NTSR1: variants seen among roughly 807,000 people sequenced by gnomAD.
NTSR1 encodes neurotensin receptor 1, also known as neurotensin receptor type 1.
In NTSR1, 29 loss-of-function variants were observed where a neutral mutation model predicts 31.2. The ratio of observed to expected loss-of-function variants is 0.93; its 90% CI spans 0.69 to 1.27. The LOEUF is 1.27. Among genes scored for constraint, NTSR1 ranks in the 50% most tolerant of loss-of-function variants. NTSR1 has a pLI of 0.00. For synonymous variants in NTSR1, 282 were observed against 269.9 expected, an observed-to-expected ratio of 1.04 and a Z score of -0.44; for missense variants, 697 against 595.4, an observed-to-expected ratio of 1.17 and a Z score of -1.78.
chr20:62,757,651 A>C (rs1057396328), intron 2 of NTSR1, among the ~76,000 whole-genome samples: 21 of 152,206 alleles, frequency 1.4e-4, no homozygotes, highest in African/African-American at 5.1e-4. Context: ...ACACCTTAAC[A>C]ATATTAAATC....
At chr20:62,757,782 G>T (rs1989535861) in intron 2 of NTSR1, among the ~76,000 whole-genome samples, 1 of 151,998 alleles carries the variant, frequency 6.6e-6, no homozygotes, top group Admixed American at 6.5e-5. Context: ...ACCTCCCTCA[G>T]CCCATGTCTC....
At chr20:62,759,288 G>T (rs939501483) in intron 3 of NTSR1, among the ~76,000 whole-genome samples, 4 of 152,176 alleles carry the variant, frequency 2.6e-5, no homozygotes, top group African/African-American at 9.7e-5. Context: ...GATCACTGTG[G>T]GGGGAGGCAA....
chr20:62,734,428 T>G (rs1456027432), intron 1 of NTSR1, among the ~76,000 whole-genome samples: 1 of 152,252 alleles, frequency 6.6e-6, no homozygotes, highest in Non-Finnish European at 1.5e-5. Context: ...GGCTTCATTT[T>G]GGGGCCATCT....
chr20:62,739,463 G>A (rs1989164016), intron 1 of NTSR1, among the ~76,000 whole-genome samples: 1 of 152,270 alleles, frequency 6.6e-6, no homozygotes, highest in Non-Finnish European at 1.5e-5. Flanking sequence ...CTGAGCCCAG[G>A]GGCTGGGCAG....
Position 62,760,021 on chromosome 20 carries a change from C to A in NTSR1, c.1011C>A (p.Phe337Leu). The A allele has an allele frequency of 1.2e-6, 2 of 1,613,626 alleles. No homozygotes were observed. Among genetic ancestry groups the A allele is most frequent in the Non-Finnish European group, 1.7e-6 (2 of 1,179,614 alleles). Reference protein sequence around the residue: ...CYISDEQWTPFLYDFYHYFYM... With the variant: ...CYISDEQWTPLLYDFYHYFYM... The stretch of plus-strand genomic sequence containing the variant: ...GAGCGCCTCTCTCTCCCCGCAGGTT[C>A]CTCTATGACTTCTACCACTACTTCT... Residue 337 changes from phenylalanine (F) to leucine (L), a missense_variant, in exon 4 of 4, where the codon TTC (phenylalanine) becomes TTA (leucine). Physicochemically the swap from Phe to Leu is conservative, Grantham distance 22 (BLOSUM62 0). Transcript: ENST00000370501.
chr20:62,750,167 G>A (rs1275966960), intron 1 of NTSR1, among the ~76,000 whole-genome samples: 1 of 152,194 alleles, frequency 6.6e-6, no homozygotes, highest in Non-Finnish European at 1.5e-5. Context: ...ACAAACCTGG[G>A]GGCATTATGC....
rs940495900 is a variant in NTSR1, at chr20:62,711,926, C to G, written c.714+2005C>G. Among the ~76,000 whole-genome samples, 1 of 152,228 alleles carries G rather than the reference C, an allele frequency of 6.6e-6. No homozygotes were observed. Among genetic ancestry groups the G allele is most frequent in the African/African-American group, 2.4e-5 (1 of 41,452 alleles). ...CTGTGACGTATCAACCGTAGGACAG[C>G]GGCCCCACGCCCTGCAGACGCCATG... On this transcript the variant is annotated intron_variant, in intron 1 of 3. Transcript: ENST00000370501. This position sits in a 1 kb window ranked among gnomAD's most constrained non-coding sequence, Gnocchi z 6.4.
chr20:62,719,466 A>G (rs56035620), intron 1 of NTSR1, among the ~76,000 whole-genome samples: 110,838 of 149,430 alleles, frequency 0.74, 41,838 homozygotes, highest in East Asian at 0.95. Flanking sequence ...ACATCGTCAT[A>G]CGATCATCCC....
chr20:62,726,341 A>G (rs1029755237), intron 1 of NTSR1, among the ~76,000 whole-genome samples: 5 of 152,134 alleles, frequency 3.3e-5, no homozygotes, highest in African/African-American at 1.2e-4. Flanking sequence ...TGCTGCGACT[A>G]TTTGTCCATA....
intron 1 of NTSR1, among the ~76,000 whole-genome samples, chr20:62,749,556 A>C (rs1989358220): frequency 6.6e-6 from 1 of 152,236 alleles, no homozygotes; most frequent in Non-Finnish European, 1.5e-5. Context: ...AAGTCTCTGC[A>C]CAGCAAAAGA....
chr20:62,759,615 A>G (rs1212839133), intron 3 of NTSR1, among the ~76,000 whole-genome samples: 1 of 152,152 alleles, frequency 6.6e-6, no homozygotes, highest in South Asian at 2.1e-4. Context: ...TCTACCAAAA[A>G]TACAAAAAAT....
intron 2 of NTSR1, 106 bp downstream of exon 2, chr20:62,754,992 TG>T: frequency 8.5e-7 from 1 of 1,177,304 alleles, no homozygotes; most frequent in Non-Finnish European, 1.2e-6. Flanking sequence ...GACATAGGGA[TG>T]GAGCTGTCAG....
chr20:62,734,477 T>C (rs1989052032), intron 1 of NTSR1, among the ~76,000 whole-genome samples: 1 of 152,230 alleles, frequency 6.6e-6, no homozygotes, highest in Non-Finnish European at 1.5e-5. Flanking sequence ...TTCTTGACCT[T>C]GTGCAATGCC....
chr20:62,756,054 C>T (rs1297027963), intron 2 of NTSR1, among the ~76,000 whole-genome samples: 5 of 151,818 alleles, frequency 3.3e-5, no homozygotes, highest in African/African-American at 7.3e-5. Context: ...TGGGTCTCGC[C>T]TATTCTTGCT....
rs749695840 is a variant in NTSR1, at chr20:62,743,989, C to T, written c.715-10696C>T. Among the ~76,000 whole-genome samples the T allele has an allele frequency of 3.9e-5, 6 of 152,326 alleles. No homozygotes were observed. Among genetic ancestry groups the T allele is most frequent in the Middle Eastern group, 3.4e-3 (1 of 294 alleles). ...GACCAACCACCCAGAGGCTGCGCCC[C>T]GGTCCAGATCCCCCTAACACACCTG... On this transcript the variant is annotated intron_variant, in intron 1 of 3. Coordinates refer to ENST00000370501, the MANE Select transcript of NTSR1 (RefSeq NM_002531.3). This position sits in a 1 kb window ranked among gnomAD's most constrained non-coding sequence, Gnocchi z 7.5.
chr20:62,712,375 C>T (rs1988633247), intron 1 of NTSR1, among the ~76,000 whole-genome samples: 1 of 152,184 alleles, frequency 6.6e-6, no homozygotes, highest in Non-Finnish European at 1.5e-5. Context: ...ATCAAATGGC[C>T]CCTCTTTCCA....
chr20:62,709,138 A>G lies in NTSR1; in HGVS notation c.-70A>G, dbSNP rs993794835. Reference sequence around the variant, plus strand: ...TCCCGTTCATCGGTCCCCGCCTGAGACGCGCCCACTCCTGCCCGGACTTCC... The same window carrying G: ...TCCCGTTCATCGGTCCCCGCCTGAGGCGCGCCCACTCCTGCCCGGACTTCC... On this transcript the variant is annotated 5_prime_UTR_variant, in exon 1 of 4. Transcript: ENST00000370501. The G allele has an allele frequency of 1.5e-4, 180 of 1,239,572 alleles. No homozygotes were observed. Among genetic ancestry groups the G allele is most frequent in the Non-Finnish European group, 1.8e-4 (172 of 953,318 alleles). 76.8% of individuals were successfully genotyped at this position (1,239,572 alleles called of 1,614,324 possible). A position where few individuals can be genotyped will look rare whatever the true frequency, so the allele number is the denominator to read the frequency against.
Position 62,714,957 on chromosome 20 carries a change from C to T in NTSR1, c.714+5036C>T, listed in dbSNP as rs1404213693. The stretch of plus-strand genomic sequence containing the variant: ...GGTCCTGCTCTCTTAGAGGTACATG[C>T]GGAAATGTTTACAGACAAAATGATG... On this transcript the variant is annotated intron_variant, in intron 1 of 3. Coordinates refer to ENST00000370501, the MANE Select transcript of NTSR1 (RefSeq NM_002531.3). This position sits in a 1 kb window ranked among gnomAD's most constrained non-coding sequence, Gnocchi z 4.1. Among the ~76,000 whole-genome samples, 4 of 152,010 alleles carry T rather than the reference C, an allele frequency of 2.6e-5. No homozygotes were observed. The highest frequency in any genetic ancestry group is 5.9e-5 in the Non-Finnish European group (4 of 68,014).
Position 62,758,359 on chromosome 20 carries a change from G to C in NTSR1, c.1007+3G>C. On this transcript the variant is annotated splice_donor_region_variant and intron_variant, in intron 3 of 3. Coordinates refer to ENST00000370501, the MANE Select transcript of NTSR1 (RefSeq NM_002531.3). This position sits in a 1 kb window ranked among gnomAD's most constrained non-coding sequence, Gnocchi z 4.5. ...ATCTCGGATGAGCAGTGGACTCCGT[G>C]AGTACCGGGAACCAGGAAGTTGGGT... 1 of 1,613,098 alleles carries C rather than the reference G, an allele frequency of 6.2e-7. No homozygotes were observed.
Sources: gnomAD v4.1 joint callset for allele counts (sites outside exome capture counted in the v4.1 genomes callset) on GRCh38, gnomAD v4.1.1 for gene constraint, Gnocchi (gnomAD v3.1) non-coding constraint, MANE v1.5 for transcripts, NCBI Gene and HGNC (gene_info 2026-07-23, HGNC 2026-07-21) for gene names.